SSPN: variants seen among roughly 807,000 people sequenced by gnomAD.
The protein encoded by SSPN is K-ras oncogene-associated protein.
SSPN carries 15 observed loss-of-function variants against 19.1 expected under a neutral mutation model. The observed-to-expected ratio is 0.78, with a 90% CI of 0.52 to 1.21. The LOEUF (loss-of-function observed/expected upper bound fraction) is 1.21, where lower values mean the gene tolerates loss of function less well. Ranked by LOEUF, SSPN falls within the 50% of genes most tolerant of loss-of-function variation. The pLI, the probability that SSPN is intolerant of heterozygous loss-of-function variation, is 0.00. For synonymous variants in SSPN, 147 were observed against 140.3 expected, an observed-to-expected ratio of 1.05 and a Z score of -0.34; for missense variants, 291 against 314.0, an observed-to-expected ratio of 0.93 and a Z score of 0.55.
At chr12:26,129,999 C>CT (rs1944388588) in intron 1 of SSPN, among the ~76,000 whole-genome samples, 1 of 152,194 alleles carries the variant, frequency 6.6e-6, no homozygotes, top group East Asian at 1.9e-4. Flanking sequence ...CCTGGCCCTT[C>CT]TGCCCCTACG....
intron 1 of SSPN, among the ~76,000 whole-genome samples, chr12:26,216,450 G>A (rs1158208670): frequency 7.1e-6 from 1 of 140,786 alleles, no homozygotes; most frequent in African/African-American, 2.7e-5. Flanking sequence ...ATTTGTTTGA[G>A]TTCATTGTAG....
chr12:26,150,502 A>T (rs888797210), intron 1 of SSPN, among the ~76,000 whole-genome samples: 1 of 152,228 alleles, frequency 6.6e-6, no homozygotes. Flanking sequence ...TCCTGTACAT[A>T]CAATTTATAT....
intron 1 of SSPN, among the ~76,000 whole-genome samples, chr12:26,171,624 A>AT (rs3082328): frequency 6.4e-4 from 95 of 149,356 alleles, no homozygotes; most frequent in Middle Eastern, 3.4e-3. Context: ...TGTTTTCCCT[A>AT]TTTTTTTTTT....
intron 1 of SSPN, among the ~76,000 whole-genome samples, chr12:26,176,777 T>C (rs985750281): frequency 6.6e-6 from 1 of 152,228 alleles, no homozygotes; most frequent in African/African-American, 2.4e-5. Context: ...GTTTTCTTTC[T>C]TCTCTCATTC....
At chr12:26,218,341 GGA>G (rs1292393219) in intron 1 of SSPN, among the ~76,000 whole-genome samples, 17 of 17,576 alleles carry the variant, frequency 9.7e-4, no homozygotes, top group Non-Finnish European at 1.8e-3. Context: ...GGGGGAGGGG[GGA>G]GGGGGGAGGG....
intron 1 of SSPN, among the ~76,000 whole-genome samples, chr12:26,177,138 G>T (rs1234578120): frequency 1.3e-5 from 2 of 152,146 alleles, no homozygotes; most frequent in Admixed American, 6.5e-5. Flanking sequence ...ATGGATATAG[G>T]GTTGTGGTGA....
intron 1 of SSPN, among the ~76,000 whole-genome samples, chr12:26,141,885 A>T (rs1477892190): frequency 1.3e-5 from 2 of 152,196 alleles, no homozygotes; most frequent in African/African-American, 4.8e-5. Flanking sequence ...ATGATTACAG[A>T]ACAGTATAAT....
At chr12:26,171,341 C>T (rs1436634164) in intron 1 of SSPN, among the ~76,000 whole-genome samples, 2 of 152,212 alleles carry the variant, frequency 1.3e-5, no homozygotes, top group Non-Finnish European at 2.9e-5. Context: ...TTACTTCAAA[C>T]TTCATCAGGC....
At chr12:26,131,482 A>T (rs1264742637) in intron 1 of SSPN, among the ~76,000 whole-genome samples, 1 of 152,250 alleles carries the variant, frequency 6.6e-6, no homozygotes, top group Non-Finnish European at 1.5e-5. Flanking sequence ...GGAGAAAGGC[A>T]TTCTCTGATA....
At chr12:26,211,449 G>A (rs1399721738) in intron 1 of SSPN, 1 of 152,160 alleles carries the variant, frequency 6.6e-6, no homozygotes, top group Non-Finnish European at 1.5e-5. Flanking sequence ...TGAGCTATTT[G>A]CAATTGTTTC....
intron 1 of SSPN, among the ~76,000 whole-genome samples, chr12:26,201,024 T>TA (rs1196566391): frequency 3.2e-5 from 1 of 31,312 alleles, no homozygotes; most frequent in East Asian, 3.0e-3. Flanking sequence ...TATATATATA[T>TA]ATATATATAT....
chr12:26,142,315 G>A (rs1287610857), intron 1 of SSPN, among the ~76,000 whole-genome samples: 6 of 152,162 alleles, frequency 3.9e-5, no homozygotes, highest in Non-Finnish European at 2.9e-5. Context: ...CAGTTGGGAC[G>A]ATATGGCCAT....
At chr12:26,224,656 A>G (rs1428311030) in intron 2 of SSPN, among the ~76,000 whole-genome samples, 2 of 151,752 alleles carry the variant, frequency 1.3e-5, no homozygotes, top group Admixed American at 6.6e-5. Flanking sequence ...CATCAGTTCA[A>G]CAAAACACTT....
intron 1 of SSPN, among the ~76,000 whole-genome samples, chr12:26,221,853 G>A (rs1395859285): frequency 1.3e-5 from 2 of 152,198 alleles, no homozygotes; most frequent in African/African-American, 2.4e-5. Flanking sequence ...CCTCAATCTG[G>A]TGTGTCACCA....
At chr12:26,178,583 C>T (rs1944699225) in intron 1 of SSPN, among the ~76,000 whole-genome samples, 1 of 152,026 alleles carries the variant, frequency 6.6e-6, no homozygotes. Context: ...ATTCAGAATT[C>T]ATCAGTTGAA....
intron 1 of SSPN, among the ~76,000 whole-genome samples, chr12:26,138,269 T>C (rs1944440413): frequency 6.6e-6 from 1 of 152,222 alleles, no homozygotes; most frequent in East Asian, 1.9e-4. Flanking sequence ...GTAGAACCTG[T>C]GGATACAGAG....
intron 1 of SSPN, among the ~76,000 whole-genome samples, chr12:26,163,589 G>A (rs1944602981): frequency 6.6e-6 from 1 of 152,224 alleles, no homozygotes; most frequent in Non-Finnish European, 1.5e-5. Context: ...GAAGAGTAAG[G>A]TAGTTAGGTA....
intron 1 of SSPN, chr12:26,123,657 G>A: frequency 4.3e-6 from 7 of 1,613,490 alleles, no homozygotes; most frequent in East Asian, 2.2e-5. Context: ...ATCTTCTGAT[G>A]CTGTTGCTCG....
chr12:26,182,675 G>A (rs1452018205), intron 1 of SSPN, among the ~76,000 whole-genome samples: 2 of 135,072 alleles, frequency 1.5e-5, no homozygotes, highest in African/African-American at 5.5e-5. Context: ...TGCAATCCTA[G>A]TCATGCAGCA....
Sources: gnomAD v4.1 joint callset for allele counts (sites outside exome capture counted in the v4.1 genomes callset) on GRCh38, gnomAD v4.1.1 for gene constraint, MANE v1.5 for transcripts, NCBI Gene and HGNC (gene_info 2026-07-23, HGNC 2026-07-21) for gene names.